The following ZFYVE1 variants were observed in gnomAD, a reference collection of about 807,000 sequenced individuals.
The protein encoded by ZFYVE1 is zinc finger FYVE-type containing 1, also known as zinc finger FYVE domain-containing protein 1.
ZFYVE1 carries 30 observed loss-of-function variants against 74.4 expected under a neutral mutation model. The ratio of observed to expected loss-of-function variants is 0.40; its 90% CI spans 0.30 to 0.55. The LOEUF (loss-of-function observed/expected upper bound fraction) is 0.55. Ranked by LOEUF, ZFYVE1 falls within the 20% of genes least tolerant of loss-of-function variation. The pLI is 0.42. For missense variants in ZFYVE1, 703 were observed against 1,011.6 expected (o/e 0.69, Z 4.14); for synonymous variants, 335 against 385.1 (o/e 0.87, Z 1.52).
At chr14:73,010,612 T>C (rs1170144978) in intron 2 of ZFYVE1, among the ~76,000 whole-genome samples, 2 of 130,888 alleles carry the variant, frequency 1.5e-5, no homozygotes, top group South Asian at 2.3e-4. Context: ...AAAAAAAAAA[T>C]GCAAAAAATT....
At position 72,971,133 on chromosome 14, in the gene ZFYVE1, G is replaced by T; in HGVS notation, c.2102-19C>A. 1 of 1,613,528 alleles carries T rather than the reference G, an allele frequency of 6.2e-7. No individual in the cohort carries two copies. Among genetic ancestry groups the T allele is most frequent in the Non-Finnish European group, 8.5e-7 (1 of 1,179,872 alleles). ...ACCAGACCTAAGGCAGGGAACAATG[G>T]TCAGGGCACCCAAAGCCCAATACCC... On this transcript the variant is annotated intron_variant, in intron 11 of 11. Coordinates refer to ENST00000556143, the MANE Select transcript of ZFYVE1 (RefSeq NM_021260.4).
intron 2 of ZFYVE1, among the ~76,000 whole-genome samples, chr14:73,017,006 AAAG>A (rs1349547894): frequency 1.3e-5 from 2 of 152,070 alleles, no homozygotes; most frequent in Non-Finnish European, 2.9e-5. Flanking sequence ...AACAGAACTA[AAAG>A]AAGGAGGGAA....
intron 2 of ZFYVE1, among the ~76,000 whole-genome samples, chr14:73,023,160 C>CA (rs768012600): frequency 3.2e-4 from 1 of 3,104 alleles, no homozygotes; most frequent in African/African-American, 5.6e-4. Context: ...AATTCCATCT[C>CA]AAAAAATATA....
chr14:73,025,171 C>A (rs1430791177), intron 1 of ZFYVE1, among the ~76,000 whole-genome samples: 1 of 151,116 alleles, frequency 6.6e-6, no homozygotes, highest in African/African-American at 2.4e-5. Flanking sequence ...CGGGTTCAAG[C>A]GATTCTCCTG....
intron 2 of ZFYVE1, among the ~76,000 whole-genome samples, chr14:73,019,249 C>A (rs2535917): frequency 0.27 from 41,482 of 151,986 alleles, 6,161 homozygotes; most frequent in Non-Finnish European, 0.33. Flanking sequence ...TTTGAGGAGA[C>A]CACACACAAG....
In ZFYVE1 at chr14:72,998,081, G is replaced by T. The variant is rs777443161; in HGVS notation, c.718C>A (p.Leu240Met). The T allele has an allele frequency of 3.1e-6, 5 of 1,614,098 alleles. No homozygotes were observed. In the East Asian group the frequency reaches 1.1e-4, roughly 36 times the overall value. ...TGGCTTAGATTCACGGTGGCCCCCA[G>T]GAGCCCTTCCGTATCGATCACTGCT... ...KVAVIDTEGL[L>M]GATVNLSQRT... The change falls in exon 3 of 12, where the codon CTG becomes ATG. Residue 240 changes from leucine (L) to methionine (M), a missense_variant. Physicochemically the swap from Leu to Met is conservative, Grantham distance 15 (BLOSUM62 2). Around this residue, in one of 2 missense-constraint regions of ZFYVE1, gnomAD observed 492 missense variants for 790.0 expected, o/e 0.62. Coordinates refer to ENST00000556143, the MANE Select transcript of ZFYVE1 (RefSeq NM_021260.4).
At chr14:72,973,317 C>T (rs982007391) in intron 11 of ZFYVE1, among the ~76,000 whole-genome samples, 2 of 151,868 alleles carry the variant, frequency 1.3e-5, no homozygotes, top group Admixed American at 6.6e-5. Context: ...GGTGAAACCC[C>T]GTCTCTACTA....
At chr14:73,016,428 G>A (rs756666900) in intron 2 of ZFYVE1, among the ~76,000 whole-genome samples, 12 of 150,640 alleles carry the variant, frequency 8.0e-5, no homozygotes, top group East Asian at 2.0e-4. Context: ...AGAGAATGGC[G>A]TGAACCCAGG....
chr14:73,011,816 C>A (rs1594860349), intron 2 of ZFYVE1, among the ~76,000 whole-genome samples: 1 of 149,388 alleles, frequency 6.7e-6, no homozygotes, highest in African/African-American at 2.5e-5. Flanking sequence ...GCCACCATGT[C>A]TGGCCTAAAA....
At position 72,969,906 on chromosome 14, in the gene ZFYVE1, T is replaced by C; in HGVS notation, c.*976A>G. 1.6e-6 allele frequency: 1 copy of C among 606,868 alleles called. No individual in the cohort carries two copies. The highest frequency in any genetic ancestry group is 2.9e-6 in the Non-Finnish European group (1 of 343,270). The allele number at this position is 606,868 out of a possible 1,614,324, so 37.6% of individuals were successfully genotyped here. A position where few individuals can be genotyped will look rare whatever the true frequency, so the allele number is the denominator to read the frequency against. On this transcript the variant is annotated 3_prime_UTR_variant, in exon 12 of 12. Coordinates refer to ENST00000556143, the MANE Select transcript of ZFYVE1 (RefSeq NM_021260.4). ...CTCAGTTTCCCTGGAAGGTTTCTCATGATCGCCCCTCCGAGAGCTAGAGGG... is the reference window on the plus strand; with the variant it reads ...CTCAGTTTCCCTGGAAGGTTTCTCACGATCGCCCCTCCGAGAGCTAGAGGG...
Position 72,993,241 on chromosome 14 carries a change from T to A in ZFYVE1, c.1105A>T (p.Thr369Ser). 1 of 1,613,628 alleles carries A rather than the reference T, an allele frequency of 6.2e-7. No individual in the cohort carries two copies. Among genetic ancestry groups the A allele is most frequent in the African/African-American group, 1.3e-5 (1 of 74,828 alleles). Residue 369 changes from threonine (T) to serine (S), a missense_variant, in exon 4 of 12, where the codon ACG becomes TCG. Around this residue, in one of 2 missense-constraint regions of ZFYVE1, gnomAD observed 492 missense variants for 790.0 expected, o/e 0.62. Coordinates refer to ENST00000556143, the MANE Select transcript of ZFYVE1 (RefSeq NM_021260.4). ...GCACGCCGAAGCCCAGAAAAGTCCG[T>A]GGGAGGGTTGTAAGTCCTCGTTCCC... ...YKGTRTYNPP[T>S]DFSGLRRALE... is the part of the protein sequence containing the mutation.
chr14:73,008,828 A>C (rs1894031812), intron 2 of ZFYVE1, among the ~76,000 whole-genome samples: 1 of 152,208 alleles, frequency 6.6e-6, no homozygotes, highest in Non-Finnish European at 1.5e-5. Flanking sequence ...CTGAGGGCTA[A>C]GAAAGGACTT....
intron 2 of ZFYVE1, among the ~76,000 whole-genome samples, chr14:73,015,644 A>G (rs569038771): frequency 6.6e-6 from 1 of 152,234 alleles, no homozygotes; most frequent in African/African-American, 2.4e-5. Flanking sequence ...TCAGCCTCCC[A>G]AAGCGCTGGG....
At chr14:73,012,403 C>A (rs915560244) in intron 2 of ZFYVE1, among the ~76,000 whole-genome samples, 22 of 152,022 alleles carry the variant, frequency 1.4e-4, no homozygotes, top group African/African-American at 5.3e-4. Context: ...GGGTGGATCA[C>A]CTGAGGTCAG....
rs1437687880 is a variant in ZFYVE1 at position 72,975,231 on chromosome 14, A to G, written c.1807-272T>C. The G allele has an allele frequency of 7.9e-6, 4 of 507,420 alleles. No homozygotes were observed. The highest frequency in any genetic ancestry group is 1.4e-5 in the Non-Finnish European group (4 of 291,074). The allele number at this position is 507,420 out of a possible 1,614,324, so 31.4% of individuals were successfully genotyped here. A position where few individuals can be genotyped will look rare whatever the true frequency, so the allele number is the denominator to read the frequency against. On this transcript the variant is annotated intron_variant, in intron 9 of 11. Transcript: ENST00000556143. The surrounding 1 kb of genome is among the most constrained non-coding windows in gnomAD (Gnocchi z 4.1). ...AATGGATCAAGCTGAGGATGACCCTAAATAACCTCTAAAGACCCCTTTTCC... is the reference window on the plus strand; with the variant it reads ...AATGGATCAAGCTGAGGATGACCCTGAATAACCTCTAAAGACCCCTTTTCC...
At chr14:73,019,900 G>A (rs559416861) in intron 2 of ZFYVE1, among the ~76,000 whole-genome samples, 1 of 150,662 alleles carries the variant, frequency 6.6e-6, no homozygotes, top group South Asian at 2.1e-4. Flanking sequence ...GCAGTGAGCC[G>A]AGATCACACC....
At chr14:72,989,802 GAAAAAAAAAGAAAA>G (rs1426121039) in intron 4 of ZFYVE1, among the ~76,000 whole-genome samples, 1 of 140,024 alleles carries the variant, frequency 7.1e-6, no homozygotes, top group Admixed American at 7.1e-5. Flanking sequence ...TGTCTCAAAA[GAAAAAAAAAGAAAA>G]AGAAAAAAAG....
intron 2 of ZFYVE1, among the ~76,000 whole-genome samples, chr14:73,023,251 T>TTA (rs566223211): frequency 1.1e-5 from 1 of 93,224 alleles, no homozygotes; most frequent in African/African-American, 4.2e-5. Flanking sequence ...AATATATATA[T>TTA]TATATGTTTT....
chr14:72,996,099 T>C (rs1567354679), intron 3 of ZFYVE1, among the ~76,000 whole-genome samples: 1 of 151,818 alleles, frequency 6.6e-6, no homozygotes, highest in Non-Finnish European at 1.5e-5. Flanking sequence ...GCTTCAAACA[T>C]GGCAGTCGGG....
Sources: gnomAD v4.1 joint callset for allele counts (sites outside exome capture counted in the v4.1 genomes callset) on GRCh38, gnomAD v4.1.1 for gene constraint, gnomAD v4.1.1 regional missense constraint, Gnocchi (gnomAD v3.1) non-coding constraint, MANE v1.5 for transcripts, NCBI Gene and HGNC (gene_info 2026-07-23, HGNC 2026-07-21) for gene names.